The following HIVEP3 variants were observed in gnomAD, a reference collection of about 807,000 sequenced individuals.
HIVEP3 encodes the protein HIVEP zinc finger 3.
Under a neutral mutation model 152.8 loss-of-function variants are expected in HIVEP3, and 49 were observed. The ratio of observed to expected loss-of-function variants is 0.32; its 90% CI spans 0.26 to 0.41. HIVEP3 has a LOEUF of 0.41. Among genes scored for constraint, HIVEP3 ranks in the 10% least tolerant of loss-of-function variants. The probability of loss-of-function intolerance (pLI) is 1.00; values close to 1 mark genes in which losing one functional copy is unlikely to be tolerated. For synonymous variants in HIVEP3, 1,269 were observed against 1,289.0 expected, an observed-to-expected ratio of 0.98 and a Z score of 0.33; for missense variants, 2,790 against 3,103.3, an observed-to-expected ratio of 0.90 and a Z score of 2.40.
rs1645766617 is a variant in HIVEP3 at position 41,664,659 on chromosome 1, A to G, written c.-720-35712T>C. On this transcript the variant is annotated intron_variant, in intron 2 of 8. Transcript: ENST00000372583. This position sits in a 1 kb window ranked among gnomAD's most constrained non-coding sequence, Gnocchi z 4.4. ...TCCTGAGGGGCAAATCCTAAGACAAACTAACCAGAGGACGGGGGAGAATTT... is the reference window on the plus strand; with the variant it reads ...TCCTGAGGGGCAAATCCTAAGACAAGCTAACCAGAGGACGGGGGAGAATTT... Among the ~76,000 whole-genome samples the G allele has an allele frequency of 6.6e-6, 1 of 152,158 alleles. No homozygotes were observed. The highest frequency in any genetic ancestry group is 2.1e-4 in the South Asian group (1 of 4,824).
At chr1:41,782,504 C>T (rs1040762427) in intron 1 of HIVEP3, among the ~76,000 whole-genome samples, 50 of 152,056 alleles carry the variant, frequency 3.3e-4, no homozygotes, top group African/African-American at 1.0e-3. Flanking sequence ...GAAGCCAAGG[C>T]GGGTGGATCA....
intron 5 of HIVEP3, among the ~76,000 whole-genome samples, chr1:41,569,345 C>A (rs1476971489): frequency 6.6e-6 from 1 of 152,096 alleles, no homozygotes; most frequent in Non-Finnish European, 1.5e-5. Flanking sequence ...CGCCACCAAC[C>A]CTCCTGTGGT....
At chr1:41,790,907 T>C (rs1649652605) in intron 1 of HIVEP3, among the ~76,000 whole-genome samples, 1 of 152,142 alleles carries the variant, frequency 6.6e-6, no homozygotes, top group Non-Finnish European at 1.5e-5. Context: ...TACCATTTTC[T>C]TCCCCACATT....
chr1:41,806,738 G>A (rs1022314564), intron 1 of HIVEP3, among the ~76,000 whole-genome samples: 2 of 152,086 alleles, frequency 1.3e-5, no homozygotes, highest in African/African-American at 2.4e-5. Flanking sequence ...CAGGGCCGGG[G>A]CCAGCGGGAC....
chr1:41,754,039 A>C (rs1378686930), intron 1 of HIVEP3, among the ~76,000 whole-genome samples: 1 of 152,190 alleles, frequency 6.6e-6, no homozygotes, highest in Admixed American at 6.5e-5. Context: ...CAGCTGAGGA[A>C]GACATTCTGG....
At chr1:41,944,640 T>C (rs1200395571) in intron 1 of HIVEP3, among the ~76,000 whole-genome samples, 1 of 152,146 alleles carries the variant, frequency 6.6e-6, no homozygotes, top group East Asian at 1.9e-4. Context: ...GCAGCCCGGA[T>C]CCCTTTCTTT....
intron 2 of HIVEP3, among the ~76,000 whole-genome samples, chr1:41,629,926 T>A (rs1645170107): frequency 6.6e-6 from 1 of 152,228 alleles, no homozygotes; most frequent in Non-Finnish European, 1.5e-5. Flanking sequence ...CATTACTGAG[T>A]ATATAACCAA....
intron 1 of HIVEP3, among the ~76,000 whole-genome samples, chr1:41,886,803 G>A (rs185787616): frequency 6.6e-6 from 1 of 151,116 alleles, no homozygotes; most frequent in Non-Finnish European, 1.5e-5. Context: ...CTTTCTTCCA[G>A]TCTTTGGACA....
In HIVEP3 at chr1:41,575,538, T is replaced by C; in HGVS notation, c.5207+6A>G. 1 of 1,613,518 alleles carries C rather than the reference T, an allele frequency of 6.2e-7. No individual in the cohort carries two copies. ...GCAGACGATGGAAACCAAACATGAG[T>C]CTTACCCTCCTTCGAAGATTTTGAT... On this transcript the variant is annotated splice_donor_region_variant and intron_variant, in intron 5 of 8. Coordinates refer to ENST00000372583, the MANE Select transcript of HIVEP3 (RefSeq NM_024503.5).
At chr1:41,705,378 C>A (rs1314967814) in intron 1 of HIVEP3, among the ~76,000 whole-genome samples, 1 of 152,220 alleles carries the variant, frequency 6.6e-6, no homozygotes, top group African/African-American at 2.4e-5. Flanking sequence ...GCCCTACCAG[C>A]CTGTGCCATC....
At chr1:42,009,119 G>A (rs772186783) in intron 1 of HIVEP3, among the ~76,000 whole-genome samples, 56 of 152,162 alleles carry the variant, frequency 3.7e-4, no homozygotes, top group Non-Finnish European at 7.3e-4. Context: ...ATTTACCAAC[G>A]CTGGTGATGC....
At position 41,513,697 on chromosome 1, in the gene HIVEP3, C is replaced by T. The variant is rs1642519869; in HGVS notation, c.5524G>A (p.Val1842Met). The T allele has an allele frequency of 1.9e-6, 3 of 1,608,866 alleles. No homozygotes were observed. Among genetic ancestry groups the T allele is most frequent in the African/African-American group, 1.3e-5 (1 of 74,862 alleles). Residue 1842 changes from valine (V) to methionine (M), a missense_variant, in exon 8 of 9, where the codon GTG becomes ATG. By Grantham distance (21) the Val-to-Met change is conservative (BLOSUM62 1). Around this residue, in one of 9 missense-constraint regions of HIVEP3, gnomAD observed 816 missense variants for 806.5 expected, o/e 1.01. Transcript: ENST00000372583. ...DSEGREGSEAVEEHQFSDLED... is the reference protein window; with the variant it reads ...DSEGREGSEAMEEHQFSDLED... ...AGGTCCGAAAACTGGTGCTCCTCCA[C>T]AGCCTCTGAACCCTCTCGTCCTTCC...
At chr1:41,767,184 A>G (rs1039156390) in intron 1 of HIVEP3, among the ~76,000 whole-genome samples, 1 of 152,088 alleles carries the variant, frequency 6.6e-6, no homozygotes, top group East Asian at 1.9e-4. Context: ...CCCTGATTCC[A>G]TCTCCTATTT....
At chr1:41,940,204 A>G (rs1408950) in intron 1 of HIVEP3, among the ~76,000 whole-genome samples, 24,186 of 152,246 alleles carry the variant, frequency 0.16, 2,034 homozygotes, top group Admixed American at 0.24. Flanking sequence ...TTCTAATGAA[A>G]TATACAATTG....
chr1:41,847,280 C>T (rs1643469675), intron 1 of HIVEP3: 1 of 152,126 alleles, frequency 6.6e-6, no homozygotes, highest in Admixed American at 6.5e-5. Context: ...ATGAGGTAAA[C>T]AAAGGATGCT....
intron 1 of HIVEP3, among the ~76,000 whole-genome samples, chr1:41,937,938 T>G (rs1057469411): frequency 3.9e-5 from 6 of 152,308 alleles, no homozygotes; most frequent in African/African-American, 1.2e-4. Context: ...CACAAAGTAT[T>G]CTATATGTGG....
At chr1:41,770,206 C>T (rs1044398292) in intron 1 of HIVEP3, among the ~76,000 whole-genome samples, 2 of 152,098 alleles carry the variant, frequency 1.3e-5, no homozygotes, top group Non-Finnish European at 2.9e-5. Context: ...ATCTCCTGAC[C>T]TTGTGATCTG....
chr1:41,900,184 T>G (rs1253787305), intron 1 of HIVEP3, among the ~76,000 whole-genome samples: 1 of 152,230 alleles, frequency 6.6e-6, no homozygotes, highest in African/African-American at 2.4e-5. Flanking sequence ...GATGTGCCTG[T>G]GCCGGCTTTA....
intron 1 of HIVEP3, among the ~76,000 whole-genome samples, chr1:41,808,739 T>G (rs574406163): frequency 1.3e-5 from 2 of 152,278 alleles, no homozygotes; most frequent in South Asian, 4.1e-4. Context: ...AGAAGTGAAA[T>G]GGAATTATTG....
Sources: gnomAD v4.1 joint callset for allele counts (sites outside exome capture counted in the v4.1 genomes callset) on GRCh38, gnomAD v4.1.1 for gene constraint, gnomAD v4.1.1 regional missense constraint, Gnocchi (gnomAD v3.1) non-coding constraint, MANE v1.5 for transcripts, NCBI Gene and HGNC (gene_info 2026-07-23, HGNC 2026-07-21) for gene names.